SLIT1: variants seen among roughly 807,000 people sequenced by gnomAD.
The protein encoded by SLIT1 is slit homolog 1 protein.
SLIT1 carries 66 observed loss-of-function variants against 186.1 expected under a neutral mutation model. The observed-to-expected ratio is 0.35, with a 90% CI of 0.29 to 0.44. SLIT1 has a LOEUF of 0.44. Ranked by LOEUF, SLIT1 falls within the 20% of genes least tolerant of loss-of-function variation. The pLI is 1.00. For synonymous variants in SLIT1, 761 were observed against 833.8 expected (o/e 0.91, Z 1.50); for missense variants, 1,638 against 2,037.4 (o/e 0.80, Z 3.77).
intron 4 of SLIT1, among the ~76,000 whole-genome samples, chr10:97,076,468 C>T (rs903417779): frequency 6.6e-6 from 1 of 152,166 alleles, no homozygotes; most frequent in Non-Finnish European, 1.5e-5. Flanking sequence ...TCACACCTCC[C>T]TTTAGATCCT....
Position 97,042,977 on chromosome 10 carries a change from C to A in SLIT1, c.2088G>T (p.Pro696=), listed in dbSNP as rs746507859. ...LRKRKIVTGN[P]RCQNPDFLRQ... ...GCAAAAAGTCAGGGTTCTGGCATCG[C>A]GGGTTCCCCGTCACGATCTTGCGCT... The change falls in exon 20 of 37, where the codon CCG becomes CCT. Residue 696 remains proline (P), a synonymous_variant. Transcript: ENST00000266058. 14 of 1,614,234 alleles carry A rather than the reference C, an allele frequency of 8.7e-6. No homozygotes were observed. In the South Asian group the frequency reaches 1.4e-4, roughly 16 times the overall value.
At chr10:97,017,718 C>T (rs1848465957) in intron 28 of SLIT1, among the ~76,000 whole-genome samples, 1 of 152,206 alleles carries the variant, frequency 6.6e-6, no homozygotes, top group East Asian at 1.9e-4. Flanking sequence ...AGTGGCAGCC[C>T]CAGCTGTGTC....
chr10:97,004,334 TAAGGAAA>T lies in SLIT1; in HGVS notation c.3711-119_3711-113del. 1 of 1,078,792 alleles carries T rather than the reference TAAGGAAA, an allele frequency of 9.3e-7. No homozygotes were observed. The highest frequency in any genetic ancestry group is 2.4e-5 in the East Asian group (1 of 41,782). 66.8% of individuals were successfully genotyped at this position (1,078,792 alleles called of 1,614,324 possible). On this transcript the variant is annotated intron_variant, in intron 33 of 36. Transcript: ENST00000266058. This position sits in a 1 kb window ranked among gnomAD's most constrained non-coding sequence, Gnocchi z 5.1. ...GCTGCTTCCCAGGAGACCAAATATC[TAAGGAAA>T]AGGACTGTGGGGGCTCAAGGGTCTA... is the stretch of plus-strand genomic sequence containing the variant.
In SLIT1 at chr10:97,004,590, A is replaced by G; in HGVS notation, c.3710+103T>C. ...AGTGTCCTTCAAACTCAGGCAGCCC[A>G]GGTTTCTAGAGGTCTCGATAACCAC... On this transcript the variant is annotated intron_variant, in intron 33 of 36. Coordinates refer to ENST00000266058, the MANE Select transcript of SLIT1 (RefSeq NM_003061.3). This position sits in a 1 kb window ranked among gnomAD's most constrained non-coding sequence, Gnocchi z 5.1. 7.2e-7 allele frequency: 1 copy of G among 1,381,394 alleles called. No homozygotes were observed. The highest frequency in any genetic ancestry group is 1.3e-5 in the South Asian group (1 of 78,720). 85.6% of individuals were successfully genotyped at this position (1,381,394 alleles called of 1,614,324 possible).
At chr10:97,036,164 C>T (rs756176961) in intron 22 of SLIT1, among the ~76,000 whole-genome samples, 6 of 152,236 alleles carry the variant, frequency 3.9e-5, no homozygotes, top group Non-Finnish European at 8.8e-5. Flanking sequence ...TCATCTTCTC[C>T]TCCTGAACGT....
In SLIT1 at chr10:97,185,486, G is replaced by A. The variant is rs557413800; in HGVS notation, c.189C>T (p.Thr63=). The A allele has an allele frequency of 6.2e-7, 1 of 1,611,756 alleles. No homozygotes were observed. Among genetic ancestry groups the A allele is most frequent in the East Asian group, 2.2e-5 (1 of 44,820 alleles). Residue 63 remains threonine (T), a synonymous_variant, in exon 1 of 37, where the codon ACC becomes ACT. Transcript: ENST00000266058. ...QAIPKNIPRN[T]ERLELNGNNI... ...GCGGGGACCATACTCACAGGCGCTC[G>A]GTGTTCCGAGGTATATTCTTGGGAA... is the stretch of plus-strand genomic sequence containing the variant.
chr10:97,181,311 GT>G, intron 1 of SLIT1, among the ~76,000 whole-genome samples: 1 of 152,378 alleles, frequency 6.6e-6, no homozygotes, highest in African/African-American at 2.4e-5. Context: ...TGTGGCTGCA[GT>G]GGCCCCTGAC....
At position 97,006,853 on chromosome 10, in the gene SLIT1, A is replaced by G; in HGVS notation, c.3342-133T>C. 1.5e-6 allele frequency: 1 copy of G among 661,968 alleles called. No individual in the cohort carries two copies. Among genetic ancestry groups the G allele is most frequent in the South Asian group, 1.9e-5 (1 of 53,070 alleles). The allele number at this position is 661,968 out of a possible 1,614,324, so 41.0% of individuals were successfully genotyped here. ...TAAAGCGACAGAAGATGCTCCTAATAAACACTTTTCATGAGAGAGCTGAGA... is the reference window on the plus strand; with the variant it reads ...TAAAGCGACAGAAGATGCTCCTAATGAACACTTTTCATGAGAGAGCTGAGA... On this transcript the variant is annotated intron_variant, in intron 31 of 36. Coordinates refer to ENST00000266058, the MANE Select transcript of SLIT1 (RefSeq NM_003061.3). This position sits in a 1 kb window ranked among gnomAD's most constrained non-coding sequence, Gnocchi z 4.0.
intron 22 of SLIT1, among the ~76,000 whole-genome samples, chr10:97,037,100 ATGTG>A (rs1284444649): frequency 9.3e-5 from 7 of 75,460 alleles, no homozygotes; most frequent in African/African-American, 1.6e-4. Flanking sequence ...GTGTGTGTGT[ATGTG>A]TGTGTGTGTG....
At chr10:97,179,800 T>TCCCCCCCC (rs150754287) in intron 1 of SLIT1, among the ~76,000 whole-genome samples, 1 of 126,384 alleles carries the variant, frequency 7.9e-6, no homozygotes, top group Non-Finnish European at 1.8e-5. Flanking sequence ...CTCCACACCC[T>TCCCCCCCC]CCCCGCCCCC....
chr10:97,006,391 G>A lies in SLIT1; in HGVS notation c.3579+92C>T. On this transcript the variant is annotated intron_variant, in intron 32 of 36. Coordinates refer to ENST00000266058, the MANE Select transcript of SLIT1 (RefSeq NM_003061.3). This position sits in a 1 kb window ranked among gnomAD's most constrained non-coding sequence, Gnocchi z 4.0. Reference sequence around the variant, plus strand: ...ACACAGAGTCCTTCCAGTTCCCCAGGCACCATGCAGGGATGTATCCTGATG... The same window carrying A: ...ACACAGAGTCCTTCCAGTTCCCCAGACACCATGCAGGGATGTATCCTGATG... 1 of 829,228 alleles carries A rather than the reference G, an allele frequency of 1.2e-6. No homozygotes were observed. Among genetic ancestry groups the A allele is most frequent in the African/African-American group, 1.7e-5 (1 of 59,536 alleles). The allele number at this position is 829,228 out of a possible 1,614,324, so 51.4% of individuals were successfully genotyped here. A position where few individuals can be genotyped will look rare whatever the true frequency, so the allele number is the denominator to read the frequency against.
In SLIT1 at chr10:97,063,441, G is replaced by A. The variant is rs755631048; in HGVS notation, c.793+14C>T. On this transcript the variant is annotated intron_variant, in intron 8 of 36. Transcript: ENST00000266058. Reference sequence around the variant, plus strand: ...CGCCGGACAGTTGAGAGCCCGGCAGGGGTCTGCACCCACCTGAGCAGCTGA... The same window carrying A: ...CGCCGGACAGTTGAGAGCCCGGCAGAGGTCTGCACCCACCTGAGCAGCTGA... The A allele has an allele frequency of 1.9e-6, 3 of 1,612,088 alleles. No homozygotes were observed. The highest frequency in any genetic ancestry group is 2.2e-5 in the South Asian group (2 of 91,000).
intron 4 of SLIT1, among the ~76,000 whole-genome samples, chr10:97,093,941 C>A (rs976191422): frequency 6.6e-6 from 1 of 152,198 alleles, no homozygotes; most frequent in Non-Finnish European, 1.5e-5. Flanking sequence ...AGGCTGGTGA[C>A]AAGGGAGAAT....
intron 13 of SLIT1, among the ~76,000 whole-genome samples, 157 bp downstream of exon 13, chr10:97,056,164 G>C (rs34897871): frequency 6.6e-6 from 1 of 152,196 alleles, no homozygotes; most frequent in Non-Finnish European, 1.5e-5. Flanking sequence ...TTTGAACCTA[G>C]GACGGTCTAA....
chr10:97,061,168 C>T (rs1848890826), intron 8 of SLIT1, among the ~76,000 whole-genome samples: 1 of 152,256 alleles, frequency 6.6e-6, no homozygotes, highest in Non-Finnish European at 1.5e-5. Context: ...CAAGCACTTA[C>T]TGTATGCCAC....
At position 97,057,308 on chromosome 10, in the gene SLIT1, G is replaced by A. The variant is rs763589717; in HGVS notation, c.1086-27C>T. 8 of 1,602,624 alleles carry A rather than the reference G, an allele frequency of 5.0e-6. No homozygotes were observed. In the South Asian group the frequency reaches 7.7e-5, roughly 15 times the overall value. On this transcript the variant is annotated intron_variant, in intron 11 of 36. Transcript: ENST00000266058. ...TGGAGAAAAGGCAGCAGAGAGGAGG[G>A]TTAGAGGACAGCCCACCAGGGCAAT...
chr10:97,031,798 A>C (rs1178837701), intron 23 of SLIT1, 121 bp from the exon 24 acceptor site: 2 of 733,206 alleles, frequency 2.7e-6, no homozygotes, highest in East Asian at 5.5e-5. Context: ...CTGTGAGGGG[A>C]GGCAGAGCAG....
chr10:97,039,769 GCGGTC>G lies in SLIT1; in HGVS notation c.2297+214_2297+218del, dbSNP rs779780243. On this transcript the variant is annotated intron_variant, in intron 21 of 36. Transcript: ENST00000266058. ...AAAGGGAGGAAGCACTCGCTGCCAT[GCGGTC>G]ATCAGGTGACCGCAGAGGGAGAATC... is the stretch of plus-strand genomic sequence containing the variant. Among the ~76,000 whole-genome samples the G allele has an allele frequency of 1.7e-3, 259 of 152,372 alleles. 7 individuals carry two copies. Among genetic ancestry groups the G allele is most frequent in the Non-Finnish European group, 5.7e-4 (39 of 68,032 alleles).
At chr10:97,146,950 C>T (rs1478065566) in intron 4 of SLIT1, among the ~76,000 whole-genome samples, 1 of 152,050 alleles carries the variant, frequency 6.6e-6, no homozygotes, top group Non-Finnish European at 1.5e-5. Flanking sequence ...AGGCAAAGAG[C>T]TATGAGGAGC....
Sources: allele counts gnomAD v4.1 joint callset (sites outside exome capture counted in the v4.1 genomes callset), GRCh38; gene constraint gnomAD v4.1.1; non-coding constraint Gnocchi (gnomAD v3.1); transcripts MANE v1.5; gene names NCBI Gene and HGNC (gene_info 2026-07-23, HGNC 2026-07-21).